The following FMNL2 variants were observed in gnomAD, a reference collection of about 807,000 sequenced individuals.
FMNL2 encodes formin like 2.
Under a neutral mutation model 130.2 loss-of-function variants are expected in FMNL2, and 51 were observed. The ratio of observed to expected loss-of-function variants is 0.39; its 90% CI spans 0.31 to 0.49. The LOEUF (loss-of-function observed/expected upper bound fraction) is 0.49, where lower values mean the gene tolerates loss of function less well. Ranked by LOEUF, FMNL2 falls within the 20% of genes least tolerant of loss-of-function variation. The pLI is 0.85. For synonymous variants in FMNL2, 465 were observed against 467.1 expected, an observed-to-expected ratio of 1.00 and a Z score of 0.06; for missense variants, 977 against 1,316.2, an observed-to-expected ratio of 0.74 and a Z score of 3.99.
At chr2:152,402,201 C>T (rs1042349588) in intron 1 of FMNL2, among the ~76,000 whole-genome samples, 2 of 152,124 alleles carry the variant, frequency 1.3e-5, no homozygotes, top group African/African-American at 2.4e-5. Context: ...TACGCCCGGC[C>T]GTGTTTGATC....
chr2:152,595,945 A>G (rs1048882177), intron 9 of FMNL2, among the ~76,000 whole-genome samples: 1 of 151,076 alleles, frequency 6.6e-6, no homozygotes, highest in Non-Finnish European at 1.5e-5. Flanking sequence ...TATTAAACAG[A>G]AGAATTGCAA....
chr2:152,484,952 T>C (rs1191072197), intron 1 of FMNL2, among the ~76,000 whole-genome samples: 1 of 152,254 alleles, frequency 6.6e-6, no homozygotes, highest in East Asian at 1.9e-4. Flanking sequence ...ACAGTAGCTC[T>C]TGTATATGAG....
chr2:152,400,488 G>C (rs1258311357), intron 1 of FMNL2, among the ~76,000 whole-genome samples: 2 of 152,068 alleles, frequency 1.3e-5, no homozygotes, highest in East Asian at 3.9e-4. Flanking sequence ...AGAGATTCAA[G>C]GGAAGCAGGC....
intron 2 of FMNL2, among the ~76,000 whole-genome samples, chr2:152,532,599 AT>A (rs34979674): frequency 0.35 from 48,639 of 137,712 alleles, 8,192 homozygotes; most frequent in East Asian, 0.55. Flanking sequence ...GCCTATTTTA[AT>A]TTTTTTTCTT....
At chr2:152,643,478 G>C in intron 25 of FMNL2, 3 of 1,536,050 alleles carry the variant, frequency 2.0e-6, no homozygotes, top group Non-Finnish European at 2.6e-6. Flanking sequence ...GTTTTTCTGC[G>C]AACCTGTTCT....
At chr2:152,515,304 AGCCT>A (rs1558929291) in intron 1 of FMNL2, among the ~76,000 whole-genome samples, 1 of 152,166 alleles carries the variant, frequency 6.6e-6, no homozygotes, top group Non-Finnish European at 1.5e-5. Flanking sequence ...GCCTTGTCAA[AGCCT>A]GAGTTTACCA....
At chr2:152,546,457 AC>A (rs2105514506) in intron 3 of FMNL2, among the ~76,000 whole-genome samples, 2 of 152,206 alleles carry the variant, frequency 1.3e-5, no homozygotes, top group South Asian at 4.2e-4. Context: ...ACTTATTATC[AC>A]GAGGACAGCA....
At chr2:152,637,712 C>T (rs1682743779) in intron 23 of FMNL2, 38 bp downstream of exon 23, 3 of 1,560,706 alleles carry the variant, frequency 1.9e-6, no homozygotes, top group South Asian at 1.1e-5. Context: ...ATTTCTCAAG[C>T]AATTGCCCTC....
intron 1 of FMNL2, among the ~76,000 whole-genome samples, chr2:152,482,919 T>G (rs1690611750): frequency 6.6e-6 from 1 of 152,102 alleles, no homozygotes; most frequent in African/African-American, 2.4e-5. Context: ...CTAGGCCTCT[T>G]GTAGGCAGTC....
At chr2:152,354,194 G>A (rs140617159) in intron 1 of FMNL2, among the ~76,000 whole-genome samples, 15 of 152,320 alleles carry the variant, frequency 9.8e-5, no homozygotes, top group African/African-American at 3.4e-4. Flanking sequence ...TGACCACTGA[G>A]CAGCTTGTTC....
intron 6 of FMNL2, among the ~76,000 whole-genome samples, 189 bp downstream of exon 6, chr2:152,561,224 A>T (rs16831379): frequency 0.019 from 2,963 of 152,222 alleles, 101 homozygotes; most frequent in African/African-American, 0.067. Flanking sequence ...GATAACTTTA[A>T]ATAGCTTCTG....
At chr2:152,466,104 C>T (rs577173196) in intron 1 of FMNL2, among the ~76,000 whole-genome samples, 2 of 152,328 alleles carry the variant, frequency 1.3e-5, no homozygotes, top group Admixed American at 1.3e-4. Flanking sequence ...GGTTTCCTAA[C>T]AGGCAAATAA....
intron 15 of FMNL2, among the ~76,000 whole-genome samples, chr2:152,624,605 G>A (rs527930166): frequency 4.6e-5 from 7 of 152,294 alleles, no homozygotes; most frequent in African/African-American, 7.2e-5. Context: ...CTGGGAGGCC[G>A]AGTGGGGAAG....
intron 5 of FMNL2, among the ~76,000 whole-genome samples, chr2:152,559,908 C>G (rs1205378078): frequency 1.3e-5 from 2 of 152,224 alleles, no homozygotes; most frequent in Non-Finnish European, 2.9e-5. Flanking sequence ...CTTTGTGCAT[C>G]TATCTCTGCT....
Position 152,619,552 on chromosome 2 carries a change from G to GCCCCCCCCCCCCCCCCC in FMNL2, c.1676_1677insCCCCCCCCCCCCCCCCC (p.Pro565LeufsTer29). ...CACCACCTATGCCACCGCCGCCGCC[G>GCCCCCCCCCCCCCCCCC]CCCCCTCCTCCACCTCCTCCTCCCC... On this transcript the variant is annotated frameshift_variant, in exon 15 of 26. Transcript: ENST00000288670. LOFTEE classifies it high-confidence loss of function. The GCCCCCCCCCCCCCCCCC allele has an allele frequency of 1.4e-6, 2 of 1,417,710 alleles. No homozygotes were observed. The highest frequency in any genetic ancestry group is 1.9e-6 in the Non-Finnish European group (2 of 1,062,484). 87.8% of individuals were successfully genotyped at this position (1,417,710 alleles called of 1,614,324 possible).
intron 1 of FMNL2, among the ~76,000 whole-genome samples, chr2:152,497,132 G>T (rs1280490406): frequency 6.6e-6 from 1 of 152,006 alleles, no homozygotes; most frequent in Non-Finnish European, 1.5e-5. Context: ...AAAAACCTTA[G>T]GGTTCATTCT....
In FMNL2 at chr2:152,632,884, GA is replaced by G. The variant is rs1682272460; in HGVS notation, c.2680+749del. 3.9e-5 allele frequency among the ~76,000 whole-genome samples: 6 copies of G among 152,178 alleles called. No individual in the cohort carries two copies. In the South Asian group the frequency reaches 1.2e-3, roughly 32 times the overall value. ...GCTGTGATTCTCAAATTGTGATATC[GA>G]ACCATAAGCAGCCAGTGTTTATTAT... On this transcript the variant is annotated intron_variant, in intron 21 of 25. Transcript: ENST00000288670.
chr2:152,575,278 C>T, intron 7 of FMNL2, 34 bp downstream of exon 7: 3 of 1,401,380 alleles, frequency 2.1e-6, no homozygotes, highest in Non-Finnish European at 3.0e-6. Flanking sequence ...TTAAAAAAAA[C>T]CTGAATTAAT....
chr2:152,595,917 AG>A, intron 9 of FMNL2, among the ~76,000 whole-genome samples: 1 of 151,916 alleles, frequency 6.6e-6, no homozygotes, highest in Middle Eastern at 3.4e-3. Context: ...GATAAGTACC[AG>A]GGATTGTACC....
Sources: gnomAD v4.1 joint callset for allele counts (sites outside exome capture counted in the v4.1 genomes callset) on GRCh38, gnomAD v4.1.1 for gene constraint, MANE v1.5 for transcripts, NCBI Gene and HGNC (gene_info 2026-07-23, HGNC 2026-07-21) for gene names.